The following NTM variants were observed in gnomAD, a reference collection of about 807,000 sequenced individuals.
NTM encodes neurotrimin.
Under a neutral mutation model 42.1 loss-of-function variants are expected in NTM, and 13 were observed. The ratio of observed to expected loss-of-function variants is 0.31; its 90% CI spans 0.20 to 0.49. NTM has a LOEUF of 0.49. Among genes scored for constraint, NTM ranks in the 20% least tolerant of loss-of-function variants. The pLI, the probability that NTM is intolerant of heterozygous loss-of-function variation, is 0.99. For synonymous variants in NTM, 187 were observed against 179.2 expected, an observed-to-expected ratio of 1.04 and a Z score of -0.35; for missense variants, 373 against 452.8, an observed-to-expected ratio of 0.82 and a Z score of 1.60.
chr11:132,314,408 G>T (rs2095368576), intron 6 of NTM, 144 bp from the exon 7 acceptor site: 2 of 836,148 alleles, frequency 2.4e-6, no homozygotes, highest in African/African-American at 1.7e-5. Flanking sequence ...CTACATTATG[G>T]TGTGGTTGAG....
intron 7 of NTM, among the ~76,000 whole-genome samples, chr11:132,319,880 C>G (rs909606255): frequency 6.6e-6 from 1 of 151,766 alleles, no homozygotes; most frequent in African/African-American, 2.4e-5. Flanking sequence ...TAGGGGCAGA[C>G]TGACACCTCA....
intron 1 of NTM, among the ~76,000 whole-genome samples, chr11:131,609,741 T>C (rs1186861308): frequency 1.3e-5 from 2 of 152,214 alleles, no homozygotes; most frequent in Non-Finnish European, 2.9e-5. Flanking sequence ...TTCACTCCTC[T>C]TGAAGAGCCA....
At chr11:131,857,058 A>C (rs1378161729) in intron 1 of NTM, among the ~76,000 whole-genome samples, 1 of 152,162 alleles carries the variant, frequency 6.6e-6, no homozygotes, top group East Asian at 1.9e-4. Context: ...AACCTGTTTA[A>C]CTTGGTTTAA....
At chr11:131,529,453 A>G (rs1225857079) in intron 1 of NTM, among the ~76,000 whole-genome samples, 1 of 152,198 alleles carries the variant, frequency 6.6e-6, no homozygotes, top group Non-Finnish European at 1.5e-5. Flanking sequence ...GATGAATGGG[A>G]ACAAAACCAA....
intron 2 of NTM, among the ~76,000 whole-genome samples, chr11:131,992,917 G>C (rs1055082459): frequency 6.6e-6 from 1 of 152,034 alleles, no homozygotes. Context: ...TTATATAAAT[G>C]GTCCCAAATG....
At chr11:131,925,272 GAC>G (rs758112361) in intron 2 of NTM, among the ~76,000 whole-genome samples, 3 of 151,310 alleles carry the variant, frequency 2.0e-5, no homozygotes, top group Non-Finnish European at 2.9e-5. Flanking sequence ...TGTTTTAATT[GAC>G]ACACACTAAA....
At chr11:131,631,616 A>G (rs1158511502) in intron 1 of NTM, among the ~76,000 whole-genome samples, 2 of 152,222 alleles carry the variant, frequency 1.3e-5, no homozygotes, top group Non-Finnish European at 2.9e-5. Context: ...TAATTATGTC[A>G]TTATTTTTCC....
intron 4 of NTM, among the ~76,000 whole-genome samples, chr11:132,305,773 A>G (rs565958482): frequency 6.6e-6 from 1 of 152,332 alleles, no homozygotes; most frequent in Admixed American, 6.5e-5. Context: ...ATGCTTATCA[A>G]ACAATATTCA....
intron 1 of NTM, among the ~76,000 whole-genome samples, chr11:131,712,327 A>T (rs1274581577): frequency 6.6e-6 from 1 of 151,948 alleles, no homozygotes; most frequent in Non-Finnish European, 1.5e-5. Context: ...AATACGGAAA[A>T]ACAGTTGTTA....
rs7930013 is a variant in NTM at position 131,933,945 on chromosome 11, G to T, written c.167+22297G>T. On this transcript the variant is annotated intron_variant, in intron 2 of 8. Coordinates refer to ENST00000683400, the MANE Select transcript of NTM (RefSeq NM_001352005.2). ...CCTCCTTTAACACTCAGAGCCCCGT[G>T]ACCATCCCAATTTTAAAAATGAGGG... is the stretch of plus-strand genomic sequence containing the variant. 4.7e-3 allele frequency among the ~76,000 whole-genome samples: 718 copies of T among 152,110 alleles called. 3 individuals carry two copies. Among genetic ancestry groups the T allele is most frequent in the African/African-American group, 0.017 (685 of 41,468 alleles).
chr11:132,235,200 A>C (rs1377803059), intron 4 of NTM, among the ~76,000 whole-genome samples: 2 of 152,194 alleles, frequency 1.3e-5, no homozygotes, highest in African/African-American at 4.8e-5. Context: ...TTCCATCTTC[A>C]TTAAATACCA....
At chr11:131,868,265 C>T (rs757787415) in intron 1 of NTM, among the ~76,000 whole-genome samples, 9 of 152,192 alleles carry the variant, frequency 5.9e-5, no homozygotes, top group Non-Finnish European at 1.2e-4. Flanking sequence ...CCAAGCCCCG[C>T]AGCCACCCAC....
chr11:131,426,128 C>T (rs762680385), intron 1 of NTM, among the ~76,000 whole-genome samples: 1 of 152,150 alleles, frequency 6.6e-6, no homozygotes, highest in Non-Finnish European at 1.5e-5. Context: ...GCTTCAAGCT[C>T]CTTGTCCTCA....
At chr11:132,106,742 A>G (rs1184662576) in intron 2 of NTM, among the ~76,000 whole-genome samples, 1 of 152,188 alleles carries the variant, frequency 6.6e-6, no homozygotes, top group African/African-American at 2.4e-5. Flanking sequence ...GATCGTGATG[A>G]TACATCTTAG....
intron 2 of NTM, among the ~76,000 whole-genome samples, chr11:132,056,327 CT>C (rs1397190531): frequency 2.0e-5 from 3 of 152,304 alleles, no homozygotes; most frequent in African/African-American, 2.4e-5. Flanking sequence ...ACGTCATCCC[CT>C]ATCCCCAAAA....
At chr11:131,478,689 C>T (rs1188087150) in intron 1 of NTM, among the ~76,000 whole-genome samples, 2 of 152,112 alleles carry the variant, frequency 1.3e-5, no homozygotes, top group African/African-American at 4.8e-5. Context: ...AGTGATGTTC[C>T]CATTGAATTT....
intron 1 of NTM, among the ~76,000 whole-genome samples, chr11:131,874,027 T>TATTATATATATATA (rs2048199724): frequency 5.0e-5 from 3 of 59,584 alleles, no homozygotes; most frequent in East Asian, 9.9e-4. Context: ...TATAATATAA[T>TATTATATATATATA]ATAATATATA....
chr11:131,595,303 A>G (rs184088419), intron 1 of NTM, among the ~76,000 whole-genome samples: 34 of 152,280 alleles, frequency 2.2e-4, no homozygotes, highest in Admixed American at 1.3e-3. Flanking sequence ...AGGCAACAGA[A>G]AGCTTTGATG....
chr11:131,693,076 G>T (rs1015195829), intron 1 of NTM, among the ~76,000 whole-genome samples: 4 of 152,096 alleles, frequency 2.6e-5, no homozygotes, highest in Non-Finnish European at 5.9e-5. Flanking sequence ...CTGCAGATGG[G>T]TGGGGAGGGT....
Sources: gnomAD v4.1 joint callset for allele counts (sites outside exome capture counted in the v4.1 genomes callset) on GRCh38, gnomAD v4.1.1 for gene constraint, MANE v1.5 for transcripts, NCBI Gene and HGNC (gene_info 2026-07-23, HGNC 2026-07-21) for gene names.